MTMR9: variants seen among roughly 807,000 people sequenced by gnomAD.
MTMR9 encodes myotubularin-related protein 9.
A neutral mutation model predicts 69.5 loss-of-function variants in MTMR9; 39 were observed. The observed-to-expected ratio is 0.56, with a 90% confidence interval of 0.43 to 0.73. The LOEUF is 0.73. MTMR9 is among the 30% of genes least tolerant of loss of function. The probability of loss-of-function intolerance (pLI) is 0.00; values close to 1 mark genes in which losing one functional copy is unlikely to be tolerated. For missense variants in MTMR9, 900 were observed against 671.2 expected (o/e 1.34, Z -3.77); for synonymous variants, 354 against 240.8 (o/e 1.47, Z -4.35).
rs549415840 is a variant in MTMR9, at chr8:11,300,017, C to T, written c.292-6C>T. 41 of 1,602,184 alleles carry T rather than the reference C, an allele frequency of 2.6e-5. No individual in the cohort carries two copies. In the South Asian group the frequency reaches 4.3e-4, roughly 17 times the overall value. ...TTTTTTGTCTTTCTTTTCTTTTTGCCCCCAGGCATTGTCTACTCTGGACTC... is the reference window on the plus strand; with the variant it reads ...TTTTTTGTCTTTCTTTTCTTTTTGCTCCCAGGCATTGTCTACTCTGGACTC... On this transcript the variant is annotated splice_region_variant and splice_polypyrimidine_tract_variant and intron_variant, in intron 2 of 9. Transcript: ENST00000221086.
intron 1 of MTMR9, among the ~76,000 whole-genome samples, chr8:11,288,771 C>G (rs1367574596): frequency 6.6e-6 from 1 of 152,170 alleles, no homozygotes; most frequent in Non-Finnish European, 1.5e-5. Context: ...GAAGCAGCAG[C>G]TGATAGATGT....
rs1275948905 is a variant in MTMR9 at position 11,304,978 on chromosome 8, CCCAGTACTA to C, written c.556_564del (p.Pro186_Leu188del). The C allele has an allele frequency of 1.2e-6, 2 of 1,613,940 alleles. No homozygotes were observed. Among genetic ancestry groups the C allele is most frequent in the African/African-American group, 1.3e-5 (1 of 74,900 alleles). ...CTACATTTCGACATGGAGGGCGCTTCCCAGTACTAAGCTATTACCACAAAAAAAATGGGA... is the reference window on the plus strand; with the variant it reads ...CTACATTTCGACATGGAGGGCGCTTCAGCTATTACCACAAAAAAAATGGGA... On this transcript the variant is annotated inframe_deletion, in exon 4 of 10. Coordinates refer to ENST00000221086, the MANE Select transcript of MTMR9 (RefSeq NM_015458.4).
In MTMR9 at chr8:11,286,869, A is replaced by T. The variant is rs1481691764; in HGVS notation, c.182+1799A>T. Among the ~76,000 whole-genome samples the T allele has an allele frequency of 2.0e-5, 3 of 152,080 alleles. No individual in the cohort carries two copies. The East Asian group carries it at 5.8e-4, about 29-fold the overall frequency. On this transcript the variant is annotated intron_variant, in intron 1 of 9. Transcript: ENST00000221086. The stretch of plus-strand genomic sequence containing the variant: ...GTCCTCACTATTTACTGGTGCTGGT[A>T]TATGTCCTGTATTCTGTCATCTGTG...
At chr8:11,297,967 A>G (rs1023968142) in intron 2 of MTMR9, 3 of 456,014 alleles carry the variant, frequency 6.6e-6, no homozygotes, top group African/African-American at 6.0e-5. Context: ...TAGTAATTGA[A>G]TTTTTCATAT....
intron 2 of MTMR9, among the ~76,000 whole-genome samples, chr8:11,299,727 G>A (rs1275830260): frequency 1.3e-5 from 2 of 152,080 alleles, no homozygotes; most frequent in Non-Finnish European, 2.9e-5. Flanking sequence ...AATTGATGTC[G>A]AGGTGTTATT....
Position 11,285,029 on chromosome 8 carries a change from G to C in MTMR9, c.141G>C (p.Glu47Asp), listed in dbSNP as rs780084606. The change falls in exon 1 of 10, where the codon GAG becomes GAC. Residue 47 changes from glutamate to aspartate, a missense_variant. Glu to Asp is a conservative substitution (Grantham distance 45). Transcript: ENST00000221086. Reference sequence around the variant, plus strand: ...CCTCCCGGCAGGACAATACGGAGGAGCTGTGGCTCCTCCATTCAAACATCG... The same window carrying C: ...CCTCCCGGCAGGACAATACGGAGGACCTGTGGCTCCTCCATTCAAACATCG... ...ILSSRQDNTE[E>D]LWLLHSNIDA... 1.9e-6 allele frequency: 3 copies of C among 1,612,316 alleles called. No individual in the cohort carries two copies. Among genetic ancestry groups the C allele is most frequent in the Admixed American group, 1.7e-5 (1 of 59,774 alleles).
At chr8:11,320,906 G>A (rs990800297) in intron 9 of MTMR9, 1 of 152,922 alleles carries the variant, frequency 6.5e-6, no homozygotes, top group African/African-American at 2.4e-5. Flanking sequence ...AATGGTAGCT[G>A]TTTGTTAAAT....
chr8:11,335,998 A>G, the MTMR9 span, among the ~76,000 whole-genome samples: 4 of 152,234 alleles, frequency 2.6e-5, no homozygotes, highest in African/African-American at 9.6e-5. Flanking sequence ...ATAACATTCT[A>G]TCCTCAGGTA....
intron 6 of MTMR9, among the ~76,000 whole-genome samples, chr8:11,312,975 C>T (rs1255741982): frequency 1.3e-5 from 2 of 152,240 alleles, no homozygotes; most frequent in Admixed American, 6.5e-5. Flanking sequence ...CAACAGTGGA[C>T]TTAAACTATT....
Position 11,306,427 on chromosome 8 carries a change from GTACAGACTCTTA to G in MTMR9, c.809+22_809+33del, listed in dbSNP as rs1799944046. ...TGAGAGGTAAAAGATTCCAAAGATA[GTACAGACTCTTA>G]TTAGAAGCTAATTATAGTGGGTAAG... On this transcript the variant is annotated intron_variant, in intron 5 of 9. Transcript: ENST00000221086. 1 of 1,605,466 alleles carries G rather than the reference GTACAGACTCTTA, an allele frequency of 6.2e-7. No homozygotes were observed. The highest frequency in any genetic ancestry group is 8.5e-7 in the Non-Finnish European group (1 of 1,172,600).
chr8:11,285,987 T>C (rs933815910), intron 1 of MTMR9, among the ~76,000 whole-genome samples: 2 of 142,076 alleles, frequency 1.4e-5, no homozygotes, highest in African/African-American at 5.4e-5. Context: ...GAAATCTCAC[T>C]GTATTGCCCA....
chr8:11,299,091 G>T (rs952021237), intron 2 of MTMR9, among the ~76,000 whole-genome samples: 3 of 152,188 alleles, frequency 2.0e-5, no homozygotes, highest in African/African-American at 7.2e-5. Context: ...ACTTTGAGAG[G>T]CTGAGGCAGG....
chr8:11,301,078 G>C (rs1462167492), intron 3 of MTMR9, among the ~76,000 whole-genome samples: 1 of 152,158 alleles, frequency 6.6e-6, no homozygotes, highest in Non-Finnish European at 1.5e-5. Flanking sequence ...GCTGGATTTG[G>C]CTCATTAAAG....
chr8:11,304,962 G>A lies in MTMR9; in HGVS notation c.539G>A (p.Arg180Gln). The A allele has an allele frequency of 6.2e-7, 1 of 1,614,048 alleles. No homozygotes were observed. The highest frequency in any genetic ancestry group is 8.5e-7 in the Non-Finnish European group (1 of 1,179,964). Reference protein sequence around the residue: ...DEALRKVATFRHGGRFPVLSY... With the variant: ...DEALRKVATFQHGGRFPVLSY... ...GCTCTTCGGAAGGTAGCTACATTTC[G>A]ACATGGAGGGCGCTTCCCAGTACTA... Residue 180 changes from arginine (R) to glutamine (Q), a missense_variant, in exon 4 of 10, where the codon CGA (arginine) becomes CAA (glutamine). Arg to Gln is a conservative substitution (Grantham distance 43). Coordinates refer to ENST00000221086, the MANE Select transcript of MTMR9 (RefSeq NM_015458.4).
the MTMR9 span, among the ~76,000 whole-genome samples, chr8:11,335,366 T>C: frequency 6.6e-6 from 1 of 152,130 alleles, no homozygotes; most frequent in Non-Finnish European, 1.5e-5. Context: ...ACAAAATATA[T>C]ACAAAATCTA....
intron 3 of MTMR9, among the ~76,000 whole-genome samples, chr8:11,303,483 T>A (rs1585118891): frequency 1.3e-5 from 2 of 152,104 alleles, no homozygotes; most frequent in African/African-American, 4.8e-5. Context: ...AACAGATAAC[T>A]ACATTTTTTT....
At chr8:11,310,318 T>C (rs965171129) in intron 6 of MTMR9, among the ~76,000 whole-genome samples, 9 of 152,302 alleles carry the variant, frequency 5.9e-5, no homozygotes, top group Middle Eastern at 3.4e-3. Context: ...GCACAAATTC[T>C]TGCAGAAGCT....
chr8:11,330,415 G>T (rs1412645426), downstream of MTMR9, among the ~76,000 whole-genome samples: 1 of 152,256 alleles, frequency 6.6e-6, no homozygotes, highest in East Asian at 1.9e-4. Context: ...CGTCTGGGAG[G>T]TGTACCCAAC....
Position 11,315,013 on chromosome 8 carries a change from A to C in MTMR9, c.1062A>C (p.Arg354Ser), listed in dbSNP as rs1800356333. ...TSLAQIILEP[R>S]SRTIRGFEAL... The stretch of plus-strand genomic sequence containing the variant: ...TGGCCCAGATCATCTTAGAGCCAAG[A>C]AGCAGGACCATTCGTGGTTTTGAGG... Residue 354 changes from arginine (R) to serine (S), a missense_variant, in exon 7 of 10, where the codon AGA (arginine) becomes AGC (serine). Arg to Ser is a moderately radical substitution (Grantham distance 110). Coordinates refer to ENST00000221086, the MANE Select transcript of MTMR9 (RefSeq NM_015458.4). The C allele has an allele frequency of 6.2e-7, 1 of 1,613,932 alleles. No individual in the cohort carries two copies. Among genetic ancestry groups the C allele is most frequent in the Non-Finnish European group, 8.5e-7 (1 of 1,179,922 alleles).
Sources: gnomAD v4.1 joint callset for allele counts (sites outside exome capture counted in the v4.1 genomes callset) on GRCh38, gnomAD v4.1.1 for gene constraint, MANE v1.5 for transcripts, NCBI Gene and HGNC (gene_info 2026-07-23, HGNC 2026-07-21) for gene names.